Variants in ANKRD6 observed in about 807,000 individuals in gnomAD.
ANKRD6 encodes the protein ankyrin repeat domain-containing protein 6.
A neutral mutation model predicts 82.3 loss-of-function variants in ANKRD6; 56 were observed. The observed-to-expected ratio is 0.68, with a 90% confidence interval of 0.55 to 0.85. ANKRD6 has a LOEUF of 0.85. Among genes scored for constraint, ANKRD6 ranks in the 40% least tolerant of loss-of-function variants. The pLI is 0.00. For missense variants in ANKRD6, 852 were observed against 907.6 expected, an observed-to-expected ratio of 0.94 and a Z score of 0.79; for synonymous variants, 347 against 352.1, an observed-to-expected ratio of 0.99 and a Z score of 0.16.
intron 14 of ANKRD6, 36 bp from the exon 15 acceptor site, chr6:89,629,076 A>G (rs1456916003): frequency 1.3e-6 from 2 of 1,588,256 alleles, no homozygotes; most frequent in Non-Finnish European, 1.7e-6. Context: ...TGATTCTTCT[A>G]TGTACTTATT....
intron 1 of ANKRD6, among the ~76,000 whole-genome samples, chr6:89,547,635 TCC>T (rs1785272907): frequency 6.6e-6 from 1 of 152,148 alleles, no homozygotes; most frequent in African/African-American, 2.4e-5. Flanking sequence ...TTGTGGATAT[TCC>T]TTGATGGCAG....
At chr6:89,479,738 C>T (rs1776556271) in intron 1 of ANKRD6, among the ~76,000 whole-genome samples, 1 of 151,752 alleles carries the variant, frequency 6.6e-6, no homozygotes, top group Non-Finnish European at 1.5e-5. Flanking sequence ...CATCATTTAA[C>T]ATTAGGTATA....
intron 1 of ANKRD6, among the ~76,000 whole-genome samples, chr6:89,440,904 A>G (rs1771292225): frequency 6.6e-6 from 1 of 152,128 alleles, no homozygotes; most frequent in South Asian, 2.1e-4. Flanking sequence ...CATGGTGTCT[A>G]TAGCTGCTTT....
At chr6:89,463,307 C>T (rs1022357738) in intron 1 of ANKRD6, among the ~76,000 whole-genome samples, 1 of 151,646 alleles carries the variant, frequency 6.6e-6, no homozygotes, top group African/African-American at 2.4e-5. Context: ...AATATTTTAT[C>T]GTATGGATAT....
At chr6:89,489,347 G>A (rs984762182) in intron 1 of ANKRD6, among the ~76,000 whole-genome samples, 1 of 152,182 alleles carries the variant, frequency 6.6e-6, no homozygotes, top group African/African-American at 2.4e-5. Context: ...GCTCTTGACA[G>A]AACAGAAGGA....
At chr6:89,514,102 G>A (rs1477572432) in intron 1 of ANKRD6, among the ~76,000 whole-genome samples, 1 of 152,214 alleles carries the variant, frequency 6.6e-6, no homozygotes, top group African/African-American at 2.4e-5. Flanking sequence ...GAAGGGCCGG[G>A]TGCGGTAGAT....
Position 89,621,924 on chromosome 6 carries a change from CT to C in ANKRD6, c.797del (p.Leu266CysfsTer9). ...ALLLTKAPQV[L>X]RFSRGRSLRK... is the part of the protein sequence containing the mutation. ...ACAATGCCGTTTGCCTCCTTCAGGT[CT>C]TGCGCTTCAGTCGTGGGCGAAGCCT... On this transcript the variant is annotated frameshift_variant, in exon 10 of 16. Coordinates refer to ENST00000339746, the MANE Select transcript of ANKRD6 (RefSeq NM_001242809.2). LOFTEE classifies it high-confidence loss of function. The C allele has an allele frequency of 6.2e-7, 1 of 1,613,950 alleles. No homozygotes were observed. Among genetic ancestry groups the C allele is most frequent in the Non-Finnish European group, 8.5e-7 (1 of 1,179,850 alleles).
At chr6:89,623,027 G>A (rs1331480862) in intron 10 of ANKRD6, among the ~76,000 whole-genome samples, 1 of 129,112 alleles carries the variant, frequency 7.7e-6, no homozygotes, top group Non-Finnish European at 1.7e-5. Context: ...GGGGGTGGGG[G>A]GGGCGGGAGG....
rs750471716 is a variant in ANKRD6 at position 89,606,033 on chromosome 6, A to T, written c.345A>T (p.Ala115=). ...DKDGNTALHE[A]SWHGFSQSAK... is the part of the protein sequence containing the mutation. ...ATGGGAATACAGCCTTGCATGAAGCATCCTGGCATGGTTTCAGCCAGTCAG... is the reference window on the plus strand; with the variant it reads ...ATGGGAATACAGCCTTGCATGAAGCTTCCTGGCATGGTTTCAGCCAGTCAG... The change falls in exon 5 of 16, where the codon GCA becomes GCT. Residue 115 remains alanine, a synonymous_variant. Transcript: ENST00000339746. 38 of 1,597,446 alleles carry T rather than the reference A, an allele frequency of 2.4e-5. No homozygotes were observed. The highest frequency in any genetic ancestry group is 3.1e-5 in the Non-Finnish European group (36 of 1,171,572).
chr6:89,570,537 C>G (rs985567647), intron 2 of ANKRD6, among the ~76,000 whole-genome samples: 1 of 152,096 alleles, frequency 6.6e-6, no homozygotes, highest in African/African-American at 2.4e-5. Context: ...AGCTCTATAC[C>G]CATTAAACAC....
At chr6:89,589,068 G>A (rs1794362115) in intron 2 of ANKRD6, among the ~76,000 whole-genome samples, 1 of 151,790 alleles carries the variant, frequency 6.6e-6, no homozygotes, top group Non-Finnish European at 1.5e-5. Flanking sequence ...CACTTTTCAG[G>A]TGCATTCTGT....
chr6:89,494,263 A>G (rs1167667343), intron 1 of ANKRD6, among the ~76,000 whole-genome samples: 2 of 152,228 alleles, frequency 1.3e-5, no homozygotes, highest in Non-Finnish European at 2.9e-5. Flanking sequence ...ATGCTAAACT[A>G]ACAGGATTCC....
intron 1 of ANKRD6, among the ~76,000 whole-genome samples, chr6:89,473,954 C>G (rs1199539547): frequency 6.6e-6 from 1 of 152,172 alleles, no homozygotes; most frequent in Non-Finnish European, 1.5e-5. Flanking sequence ...GCACTCAAGC[C>G]TGGACAACAG....
intron 2 of ANKRD6, among the ~76,000 whole-genome samples, chr6:89,585,764 C>G (rs1356493135): frequency 6.6e-6 from 1 of 152,128 alleles, no homozygotes; most frequent in East Asian, 1.9e-4. Context: ...AAAAATTAAC[C>G]GAGCTTGATG....
At chr6:89,463,259 G>C (rs1774423880) in intron 1 of ANKRD6, among the ~76,000 whole-genome samples, 1 of 151,604 alleles carries the variant, frequency 6.6e-6, no homozygotes, top group African/African-American at 2.4e-5. Flanking sequence ...TGAGCATTTT[G>C]TTATTAATTT....
chr6:89,567,119 T>C, intron 2 of ANKRD6, 23 bp downstream of exon 2: 1 of 1,565,432 alleles, frequency 6.4e-7, no homozygotes, highest in South Asian at 1.2e-5. Flanking sequence ...AAATACGCTG[T>C]AGCCATTCCC....
intron 2 of ANKRD6, among the ~76,000 whole-genome samples, chr6:89,590,813 C>T (rs998477065): frequency 1.3e-5 from 2 of 152,198 alleles, no homozygotes; most frequent in Non-Finnish European, 2.9e-5. Context: ...GACAGTCTCC[C>T]AAGCCTCAGT....
At chr6:89,517,089 C>T (rs1781324312) in intron 1 of ANKRD6, among the ~76,000 whole-genome samples, 2 of 152,130 alleles carry the variant, frequency 1.3e-5, no homozygotes, top group South Asian at 4.1e-4. Context: ...ATGCTGGTCT[C>T]GAATTCCTGG....
At chr6:89,570,077 G>GTGTGT (rs1307840553) in intron 2 of ANKRD6, among the ~76,000 whole-genome samples, 2 of 151,710 alleles carry the variant, frequency 1.3e-5, no homozygotes, top group African/African-American at 2.4e-5. Context: ...GTGTGTGTGT[G>GTGTGT]TGTGTGTGTG....
Sources: gnomAD v4.1 joint callset for allele counts (sites outside exome capture counted in the v4.1 genomes callset) on GRCh38, gnomAD v4.1.1 for gene constraint, MANE v1.5 for transcripts, NCBI Gene and HGNC (gene_info 2026-07-23, HGNC 2026-07-21) for gene names.